Variants in ERICH1 observed in about 807,000 individuals in gnomAD.
The protein encoded by ERICH1 is glutamate-rich protein 1.
A neutral mutation model predicts 39.6 loss-of-function variants in ERICH1; 56 were observed. The observed-to-expected ratio is 1.41, with a 90% CI of 1.14 to 1.77. The LOEUF (loss-of-function observed/expected upper bound fraction) is 1.77. Ranked by LOEUF, ERICH1 falls within the 40% of genes most tolerant of loss-of-function variation. The pLI, the probability that ERICH1 is intolerant of heterozygous loss-of-function variation, is 0.00. For missense variants in ERICH1, 826 were observed against 575.4 expected (o/e 1.44, Z -4.45); for synonymous variants, 313 against 223.6 (o/e 1.40, Z -3.57).
At chr8:678,623 C>T (rs1030150581) in intron 3 of ERICH1, among the ~76,000 whole-genome samples, 10 of 152,162 alleles carry the variant, frequency 6.6e-5, no homozygotes, top group African/African-American at 2.2e-4. Context: ...TCCTGGCTAA[C>T]ACGGTGAAAC....
At chr8:662,786 C>T (rs184198271), downstream of ERICH1, among the ~76,000 whole-genome samples, 20 of 152,240 alleles carry the variant, frequency 1.3e-4, no homozygotes, top group Non-Finnish European at 2.5e-4. Flanking sequence ...GACACCACTG[C>T]AGCACAGGTT....
chr8:653,109 C>T lies in ERICH1; in HGVS notation c.976+15489G>A, dbSNP rs551310350. On this transcript the variant is annotated intron_variant, in intron 3 of 3. Coordinates refer to the ERICH1 transcript ENST00000522706. ...CAGCCCTTCCACTTCTGGGCATAAA[C>T]CCCCAAACTGAAAGCTGGAACTCAA... 1.2e-4 allele frequency among the ~76,000 whole-genome samples: 18 copies of T among 152,298 alleles called. No individual in the cohort carries two copies. In the South Asian group the frequency reaches 3.7e-3, roughly 32 times the overall value.
intron 2 of ERICH1, among the ~76,000 whole-genome samples, chr8:694,537 C>T (rs200000977): frequency 2.0e-5 from 3 of 152,150 alleles, no homozygotes; most frequent in African/African-American, 4.8e-5. Context: ...CAAAACGCAC[C>T]GCGCCAGGGA....
chr8:670,778 C>G (rs1025315996), intron 4 of ERICH1, among the ~76,000 whole-genome samples: 2 of 152,182 alleles, frequency 1.3e-5, no homozygotes, highest in African/African-American at 4.8e-5. Flanking sequence ...GCTCCAACCT[C>G]TGAACCCCCT....
chr8:621,051 G>A (rs144140191), intron 3 of ERICH1, among the ~76,000 whole-genome samples: 133 of 151,942 alleles, frequency 8.8e-4, no homozygotes, highest in African/African-American at 3.0e-3. Flanking sequence ...CTTTAAATAG[G>A]ATTGAAATCA....
At chr8:706,079 C>T (rs993654750) in intron 2 of ERICH1, among the ~76,000 whole-genome samples, 36 of 152,328 alleles carry the variant, frequency 2.4e-4, no homozygotes, top group African/African-American at 8.2e-4. Context: ...ACTGATTGGG[C>T]GAGCAGCCTG....
chr8:633,707 C>T (rs375685567), intron 3 of ERICH1, among the ~76,000 whole-genome samples: 145 of 152,310 alleles, frequency 9.5e-4, no homozygotes, highest in Middle Eastern at 3.4e-3. Flanking sequence ...GGAACAGAGG[C>T]GAGGACCCAG....
rs1817161046 is a variant in ERICH1 at position 720,864 on chromosome 8, G to A, written c.23-4857C>T. Among the ~76,000 whole-genome samples the A allele has an allele frequency of 2.0e-5, 3 of 152,114 alleles. 1 individual carries two copies. Among genetic ancestry groups the A allele is most frequent in the South Asian group, 4.1e-4 (2 of 4,826 alleles). The stretch of plus-strand genomic sequence containing the variant: ...TGGAGGTCACCGTATCTGCTCCTTC[G>A]CTGGAATGAGCCTGAAGCCACTCTG... On this transcript the variant is annotated intron_variant, in intron 1 of 5. Coordinates refer to ENST00000262109, the MANE Select transcript of ERICH1 (RefSeq NM_207332.3).
At chr8:674,296 C>CTT (rs11372589) in intron 3 of ERICH1, among the ~76,000 whole-genome samples, 2,247 of 109,744 alleles carry the variant, frequency 0.02, 93 homozygotes, top group African/African-American at 0.049. Flanking sequence ...CAAGTTGTTG[C>CTT]TTTTTTTTTT....
At chr8:638,182 C>T (rs1046690810) in intron 3 of ERICH1, among the ~76,000 whole-genome samples, 3 of 152,262 alleles carry the variant, frequency 2.0e-5, no homozygotes, top group African/African-American at 4.8e-5. Context: ...ACGTGTGGGG[C>T]GCCTGGCCCT....
intron 3 of ERICH1, chr8:616,291 T>C (rs1047225675): frequency 3.3e-6 from 1 of 303,960 alleles, no homozygotes. Flanking sequence ...TTCACATTTG[T>C]GTGGCAGGAC....
At chr8:638,423 G>T (rs1482318684) in intron 3 of ERICH1, among the ~76,000 whole-genome samples, 1 of 152,164 alleles carries the variant, frequency 6.6e-6, no homozygotes, top group Non-Finnish European at 1.5e-5. Flanking sequence ...GCGGTGGGCA[G>T]GTGGGCCGGT....
Position 707,277 on chromosome 8 carries a change from G to C in ERICH1, c.169+8584C>G, listed in dbSNP as rs548965748. Among the ~76,000 whole-genome samples the C allele has an allele frequency of 3.1e-4, 45 of 145,342 alleles. 1 individual carries two copies. Among genetic ancestry groups the C allele is most frequent in the Admixed American group, 3.0e-3 (42 of 14,020 alleles). Reference sequence around the variant, plus strand: ...GGCTGGAGTGCAATGATGCGATCTTGGCTCACTGCAACCTCTGCCTCCCGG... The same window carrying C: ...GGCTGGAGTGCAATGATGCGATCTTCGCTCACTGCAACCTCTGCCTCCCGG... On this transcript the variant is annotated intron_variant, in intron 2 of 5. Coordinates refer to ENST00000262109, the MANE Select transcript of ERICH1 (RefSeq NM_207332.3).
chr8:618,802 C>G (rs896613848), intron 3 of ERICH1, among the ~76,000 whole-genome samples: 2 of 152,074 alleles, frequency 1.3e-5, no homozygotes, highest in South Asian at 4.2e-4. Flanking sequence ...AGACTGAGAG[C>G]GCCACTTGAG....
intron 3 of ERICH1, among the ~76,000 whole-genome samples, chr8:689,474 C>T (rs1808411775): frequency 6.6e-6 from 1 of 152,170 alleles, no homozygotes; most frequent in African/African-American, 2.4e-5. Flanking sequence ...TGATCAATTC[C>T]TGTGTTCCCT....
At chr8:691,646 G>A (rs1037175028) in intron 3 of ERICH1, among the ~76,000 whole-genome samples, 3 of 152,174 alleles carry the variant, frequency 2.0e-5, no homozygotes, top group African/African-American at 7.2e-5. Flanking sequence ...ATTTTCAACA[G>A]GGCTTGAAAG....
At chr8:643,623 A>C (rs1296446247) in intron 3 of ERICH1, among the ~76,000 whole-genome samples, 1 of 151,580 alleles carries the variant, frequency 6.6e-6, no homozygotes, top group Non-Finnish European at 1.5e-5. Context: ...TGCCTTCCTC[A>C]AAGGATGGAC....
At chr8:678,997 C>T (rs926640817) in intron 3 of ERICH1, among the ~76,000 whole-genome samples, 7 of 151,804 alleles carry the variant, frequency 4.6e-5, no homozygotes, top group Admixed American at 1.3e-4. Flanking sequence ...AGCTTTGATC[C>T]CTCACAGCTC....
intron 3 of ERICH1, among the ~76,000 whole-genome samples, chr8:674,573 G>T (rs1189432848): frequency 6.6e-6 from 1 of 152,078 alleles, no homozygotes; most frequent in East Asian, 1.9e-4. Flanking sequence ...CAAAGTGCTG[G>T]GATTTCAGGA....
Sources: gnomAD v4.1 joint callset for allele counts (sites outside exome capture counted in the v4.1 genomes callset) on GRCh38, gnomAD v4.1.1 for gene constraint, MANE v1.5 for transcripts, NCBI Gene and HGNC (gene_info 2026-07-23, HGNC 2026-07-21) for gene names.